Variants in SI observed in about 807,000 individuals in gnomAD.
The protein encoded by SI is sucrase-isomaltase, intestinal.
SI carries 235 observed loss-of-function variants against 253.3 expected under a neutral mutation model. That is an observed-to-expected ratio of 0.93 (90% CI 0.83 to 1.03). The LOEUF (loss-of-function observed/expected upper bound fraction) is 1.03. SI is among the 50% of genes least tolerant of loss of function. SI has a pLI of 0.00. For synonymous variants in SI, 819 were observed against 712.0 expected, an observed-to-expected ratio of 1.15 and a Z score of -2.39; for missense variants, 2,442 against 2,211.1, an observed-to-expected ratio of 1.10 and a Z score of -2.09.
intron 37 of SI, 118 bp downstream of exon 37, chr3:165,006,698 A>G (rs1018367090): frequency 2.4e-6 from 2 of 842,016 alleles, no homozygotes; most frequent in African/African-American, 3.4e-5. Context: ...AGTTACAGAG[A>G]ACAATTGGGA....
chr3:165,012,055 A>G (rs73020904), intron 34 of SI, among the ~76,000 whole-genome samples: 7,126 of 152,134 alleles, frequency 0.047, 559 homozygotes, highest in African/African-American at 0.16. Context: ...CCTTCTGTTT[A>G]TCATTTGCAT....
At chr3:165,067,779 G>T (rs1714325357) in intron 5 of SI, among the ~76,000 whole-genome samples, 1 of 151,724 alleles carries the variant, frequency 6.6e-6, no homozygotes, top group Non-Finnish European at 1.5e-5. Flanking sequence ...ACCAAATATT[G>T]ATTACAGAAT....
intron 37 of SI, among the ~76,000 whole-genome samples, chr3:165,004,016 C>T (rs1718383419): frequency 6.6e-6 from 1 of 151,964 alleles, no homozygotes; most frequent in African/African-American, 2.4e-5. Context: ...AGACAAACCA[C>T]AGAATGGGAG....
chr3:165,075,257 A>G (rs556039959), intron 2 of SI, among the ~76,000 whole-genome samples: 5 of 152,040 alleles, frequency 3.3e-5, no homozygotes, highest in African/African-American at 1.2e-4. Flanking sequence ...AAAACAAAAG[A>G]TTAACAGGAA....
Position 165,030,751 on chromosome 3 carries a change from A to G in SI, c.2853T>C (p.Thr951=), listed in dbSNP as rs747181933. The G allele has an allele frequency of 5.0e-6, 8 of 1,609,254 alleles. No homozygotes were observed. In the South Asian group the frequency reaches 8.8e-5, roughly 18 times the overall value. ...FNCYPDADLA[T]EQKCTQRGCV... ...AGCCACGTTGTGTGCACTTTTGTTC[A>G]GTTGCCAAATCTGCATCTGGATAAC... The change falls in exon 25 of 48, where the codon ACT becomes ACC. Residue 951 remains threonine, a synonymous_variant. Coordinates refer to ENST00000264382, the MANE Select transcript of SI (RefSeq NM_001041.4).
In SI at chr3:164,992,310, TAC is replaced by T; in HGVS notation, c.4926+1_4926+2del. The T allele has an allele frequency of 1.9e-6, 3 of 1,612,748 alleles. No homozygotes were observed. The highest frequency in any genetic ancestry group is 2.5e-6 in the Non-Finnish European group (3 of 1,178,912). ...GTAAACAAAAATATGTGGTAGGACT[TAC>T]AGGTTCCAGTACTGGGGTAACCATA... is the stretch of plus-strand genomic sequence containing the variant. On this transcript the variant is annotated splice_donor_variant, in intron 42 of 47. Coordinates refer to ENST00000264382, the MANE Select transcript of SI (RefSeq NM_001041.4). LOFTEE classifies it high-confidence loss of function.
chr3:165,030,687 G>C, intron 25 of SI, 25 bp downstream of exon 25: 1 of 1,601,006 alleles, frequency 6.2e-7, no homozygotes, highest in Non-Finnish European at 8.5e-7. Flanking sequence ...ACCATATCAT[G>C]AGTAATAGTT....
chr3:165,013,089 T>C (rs1718846700), intron 33 of SI, 47 bp from the exon 34 acceptor site: 1 of 1,156,280 alleles, frequency 8.6e-7, no homozygotes, highest in South Asian at 1.2e-5. Flanking sequence ...ATAGTCAGCA[T>C]GATATGATTG....
intron 22 of SI, 128 bp downstream of exon 22, chr3:165,036,261 A>T: frequency 1.5e-6 from 1 of 680,796 alleles, no homozygotes; most frequent in Non-Finnish European, 2.6e-6. Context: ...AGCCTGAAAC[A>T]GATAAAAAAC....
intron 1 of SI, among the ~76,000 whole-genome samples, chr3:165,078,217 T>C (rs948939204): frequency 2.0e-5 from 3 of 151,292 alleles, no homozygotes; most frequent in African/African-American, 7.3e-5. Flanking sequence ...TAATGAAGAG[T>C]TGGGCCAAAA....
chr3:165,017,424 A>G, intron 31 of SI, 124 bp downstream of exon 31: 1 of 809,442 alleles, frequency 1.2e-6, no homozygotes, highest in African/African-American at 1.7e-5. Flanking sequence ...CCAATACATA[A>G]GGTGCCAGTA....
intron 44 of SI, among the ~76,000 whole-genome samples, chr3:164,988,826 T>A (rs1717562944): frequency 6.6e-6 from 1 of 152,148 alleles, no homozygotes; most frequent in Non-Finnish European, 1.5e-5. Flanking sequence ...AGATCCATTG[T>A]CCCTGGTAAA....
chr3:165,083,095 G>T (rs1363064883), upstream of SI, among the ~76,000 whole-genome samples: 1 of 151,880 alleles, frequency 6.6e-6, no homozygotes, highest in Non-Finnish European at 1.5e-5. Context: ...AATTTTTGCA[G>T]CTACAATATG....
intron 13 of SI, among the ~76,000 whole-genome samples, chr3:165,053,038 T>A (rs1270889649): frequency 6.6e-6 from 1 of 151,838 alleles, no homozygotes; most frequent in Non-Finnish European, 1.5e-5. Flanking sequence ...TATGCATATG[T>A]ATTCAAAAAA....
At chr3:164,990,788 C>T (rs983518075) in intron 44 of SI, among the ~76,000 whole-genome samples, 26 of 151,732 alleles carry the variant, frequency 1.7e-4, no homozygotes, top group African/African-American at 6.1e-4. Context: ...AGGAGATATA[C>T]CTAATGTTAA....
At chr3:165,072,493 C>CA (rs1330349731) in intron 3 of SI, among the ~76,000 whole-genome samples, 1 of 151,602 alleles carries the variant, frequency 6.6e-6, no homozygotes, top group African/African-American at 2.4e-5. Context: ...TCTCCTAAAG[C>CA]AAAAAAAGGC....
chr3:165,042,484 C>T (rs1712887698), intron 17 of SI, among the ~76,000 whole-genome samples: 1 of 152,038 alleles, frequency 6.6e-6, no homozygotes, highest in African/African-American at 2.4e-5. Flanking sequence ...GCTGAGTTCC[C>T]ACGGCTGGTA....
At chr3:164,992,500 GA>G (rs2108127694) in intron 41 of SI, 103 bp from the exon 42 acceptor site, 2 of 796,974 alleles carry the variant, frequency 2.5e-6, no homozygotes, top group Non-Finnish European at 4.0e-6. Flanking sequence ...GACTTTTGTG[GA>G]TTAAAATAAA....
Position 165,039,939 on chromosome 3 carries a change from T to C in SI, c.2192A>G (p.Asp731Gly), listed in dbSNP as rs775592960. The change falls in exon 19 of 48, where the codon GAC becomes GGC. Residue 731 changes from aspartate (D) to glycine (G), a missense_variant. Coordinates refer to ENST00000264382, the MANE Select transcript of SI (RefSeq NM_001041.4). ...FYEDTNSWIE[D>G]TEFLWGPALL... is the part of the protein sequence containing the mutation. ...TGCAGGGCCCCACAAAAACTCAGTGTCCTCAATCCAGCTGTTCGTATCCTC... is the reference window on the plus strand; with the variant it reads ...TGCAGGGCCCCACAAAAACTCAGTGCCCTCAATCCAGCTGTTCGTATCCTC... 1 of 1,613,338 alleles carries C rather than the reference T, an allele frequency of 6.2e-7. No homozygotes were observed. Among genetic ancestry groups the C allele is most frequent in the South Asian group, 1.1e-5 (1 of 91,078 alleles).
Sources: gnomAD v4.1 joint callset for allele counts (sites outside exome capture counted in the v4.1 genomes callset) on GRCh38, gnomAD v4.1.1 for gene constraint, MANE v1.5 for transcripts, NCBI Gene and HGNC (gene_info 2026-07-23, HGNC 2026-07-21) for gene names.